LHFPL6: variants seen among roughly 807,000 people sequenced by gnomAD.
LHFPL6 encodes the protein LHFPL tetraspan subfamily member 6.
Under a neutral mutation model 20.6 loss-of-function variants are expected in LHFPL6, and 9 were observed. The ratio of observed to expected loss-of-function variants is 0.44; its 90% CI spans 0.26 to 0.76. The LOEUF (loss-of-function observed/expected upper bound fraction) is 0.76, where lower values mean the gene tolerates loss of function less well. Ranked by LOEUF, LHFPL6 falls within the 30% of genes least tolerant of loss-of-function variation. The pLI is 0.20. For missense variants in LHFPL6, 218 were observed against 253.5 expected (o/e 0.86, Z 0.95); for synonymous variants, 105 against 98.7 (o/e 1.06, Z -0.38).
At chr13:39,512,611 A>AAAAAAAAAAG (rs1555265750) in intron 2 of LHFPL6, among the ~76,000 whole-genome samples, 12 of 150,572 alleles carry the variant, frequency 8.0e-5, no homozygotes, top group South Asian at 2.1e-4. Flanking sequence ...CAAAAAAAAA[A>AAAAAAAAAAG]AAAAGAAAAG....
At chr13:39,530,028 T>C (rs779583802) in intron 2 of LHFPL6, among the ~76,000 whole-genome samples, 1 of 152,150 alleles carries the variant, frequency 6.6e-6, no homozygotes, top group Non-Finnish European at 1.5e-5. Context: ...TTCAATGCAT[T>C]GTGCATAGTA....
intron 3 of LHFPL6, among the ~76,000 whole-genome samples, chr13:39,374,245 G>A (rs1870230094): frequency 6.6e-6 from 1 of 152,134 alleles, no homozygotes; most frequent in African/African-American, 2.4e-5. Flanking sequence ...ACAACTGGAA[G>A]CCATTATCCT....
chr13:39,492,971 C>A (rs148008766), intron 2 of LHFPL6, among the ~76,000 whole-genome samples: 2 of 151,480 alleles, frequency 1.3e-5, no homozygotes, highest in South Asian at 2.1e-4. Context: ...TGAGCCACTG[C>A]GCCCGGCCTC....
intron 2 of LHFPL6, among the ~76,000 whole-genome samples, chr13:39,530,650 C>G (rs1404725651): frequency 6.6e-6 from 1 of 152,056 alleles, no homozygotes; most frequent in African/African-American, 2.4e-5. Flanking sequence ...AATAAAACTA[C>G]GTGTTTCATA....
At chr13:39,487,348 T>C (rs1868760353) in intron 2 of LHFPL6, among the ~76,000 whole-genome samples, 1 of 152,178 alleles carries the variant, frequency 6.6e-6, no homozygotes, top group South Asian at 2.1e-4. Context: ...CCCTTTTTAA[T>C]AGATAAAGGG....
chr13:39,496,889 G>A (rs1869119391), intron 2 of LHFPL6, among the ~76,000 whole-genome samples: 1 of 152,166 alleles, frequency 6.6e-6, no homozygotes, highest in Non-Finnish European at 1.5e-5. Context: ...GTCACTAGGA[G>A]AGATGACCAC....
In LHFPL6 at chr13:39,481,889, A is replaced by G. The variant is rs185162332; in HGVS notation, c.386-103363T>C. On this transcript the variant is annotated intron_variant, in intron 2 of 3. Transcript: ENST00000379589. ...AAGAAGAGACATCAAGCATGGATTG[A>G]AAGTTGAGAGCTGGAGCAGTAGAGA... 5.9e-5 allele frequency among the ~76,000 whole-genome samples: 9 copies of G among 152,278 alleles called. No individual in the cohort carries two copies. In the East Asian group the frequency reaches 9.7e-4, roughly 16 times the overall value.
intron 2 of LHFPL6, among the ~76,000 whole-genome samples, chr13:39,483,948 T>C (rs754851065): frequency 2.0e-5 from 3 of 152,226 alleles, no homozygotes; most frequent in Non-Finnish European, 2.9e-5. Context: ...GGATTACAAG[T>C]ATTACTTTTC....
At chr13:39,479,129 C>A (rs377070293) in intron 2 of LHFPL6, among the ~76,000 whole-genome samples, 14 of 150,256 alleles carry the variant, frequency 9.3e-5, no homozygotes, top group African/African-American at 7.3e-5. Context: ...ATCTATCTAT[C>A]TATCTATCTA....
At chr13:39,359,066 G>A (rs1251722863) in intron 3 of LHFPL6, among the ~76,000 whole-genome samples, 1 of 152,126 alleles carries the variant, frequency 6.6e-6, no homozygotes, top group African/African-American at 2.4e-5. Context: ...GGAGGCTGAG[G>A]CAGGAGAATC....
At chr13:39,425,947 C>G (rs1434322397) in intron 2 of LHFPL6, among the ~76,000 whole-genome samples, 2 of 152,134 alleles carry the variant, frequency 1.3e-5, no homozygotes, top group Admixed American at 6.5e-5. Context: ...TAGGTTCAAG[C>G]TACCATGGCC....
At chr13:39,382,264 A>G (rs925718470) in intron 2 of LHFPL6, among the ~76,000 whole-genome samples, 6 of 152,210 alleles carry the variant, frequency 3.9e-5, no homozygotes, top group Non-Finnish European at 8.8e-5. Flanking sequence ...CTAGATTGCC[A>G]TCTTCTCAGG....
chr13:39,418,678 C>T (rs996068149), intron 2 of LHFPL6, among the ~76,000 whole-genome samples: 1 of 152,108 alleles, frequency 6.6e-6, no homozygotes, highest in East Asian at 1.9e-4. Context: ...CTCCCAATAG[C>T]GGTTGTGCAT....
intron 2 of LHFPL6, among the ~76,000 whole-genome samples, chr13:39,565,475 G>C (rs898973059): frequency 6.6e-6 from 1 of 152,206 alleles, no homozygotes; most frequent in African/African-American, 2.4e-5. Context: ...AAGATGGAAT[G>C]TTGGCATAAC....
chr13:39,467,792 C>T (rs905501042), intron 2 of LHFPL6, among the ~76,000 whole-genome samples: 1 of 152,178 alleles, frequency 6.6e-6, no homozygotes. Context: ...TTGGCTCATT[C>T]ACTCCCCCTA....
At chr13:39,368,418 T>TA (rs1870065607) in intron 3 of LHFPL6, among the ~76,000 whole-genome samples, 4 of 151,928 alleles carry the variant, frequency 2.6e-5, no homozygotes, top group African/African-American at 9.6e-5. Flanking sequence ...CCTGTCTCTA[T>TA]TAAAAATACA....
rs184930682 is a variant in LHFPL6, at chr13:39,529,156, A to G, written c.385+71676T>C. Among the ~76,000 whole-genome samples the G allele has an allele frequency of 2.6e-5, 4 of 151,734 alleles. No homozygotes were observed. In the East Asian group the frequency reaches 7.8e-4, roughly 30 times the overall value. On this transcript the variant is annotated intron_variant, in intron 2 of 3. Coordinates refer to ENST00000379589, the MANE Select transcript of LHFPL6 (RefSeq NM_005780.3). ...GCCCAGGCTGGAGTGCAGTGGCATG[A>G]TCTTGGCTCACTGTAACCTCCACCT...
At chr13:39,569,422 C>T (rs1034011549) in intron 2 of LHFPL6, among the ~76,000 whole-genome samples, 1 of 151,910 alleles carries the variant, frequency 6.6e-6, no homozygotes, top group Non-Finnish European at 1.5e-5. Context: ...GTCTCATTTT[C>T]AAAAGGAGAA....
At chr13:39,418,154 G>A (rs1323802252) in intron 2 of LHFPL6, among the ~76,000 whole-genome samples, 2 of 152,030 alleles carry the variant, frequency 1.3e-5, no homozygotes, top group African/African-American at 4.8e-5. Flanking sequence ...AAACAAGTAA[G>A]TCCTGGTCAA....
Sources: gnomAD v4.1 joint callset for allele counts (sites outside exome capture counted in the v4.1 genomes callset) on GRCh38, gnomAD v4.1.1 for gene constraint, MANE v1.5 for transcripts, NCBI Gene and HGNC (gene_info 2026-07-23, HGNC 2026-07-21) for gene names.